The following IGSF11 variants were observed in gnomAD, a reference collection of about 807,000 sequenced individuals.
IGSF11 encodes immunoglobulin superfamily member 11.
A neutral mutation model predicts 41.0 loss-of-function variants in IGSF11; 22 were observed. The ratio of observed to expected loss-of-function variants is 0.54; its 90% CI spans 0.38 to 0.77. The LOEUF (loss-of-function observed/expected upper bound fraction) is 0.77, where lower values mean the gene tolerates loss of function less well. Ranked by LOEUF, IGSF11 falls within the 30% of genes least tolerant of loss-of-function variation. The pLI, the probability that IGSF11 is intolerant of heterozygous loss-of-function variation, is 0.00. For missense variants in IGSF11, 444 were observed against 530.8 expected (o/e 0.84, Z 1.61); for synonymous variants, 219 against 201.3 (o/e 1.09, Z -0.74).
At chr3:119,057,179 A>C (rs1415812018) in intron 1 of IGSF11, among the ~76,000 whole-genome samples, 2 of 152,210 alleles carry the variant, frequency 1.3e-5, no homozygotes, top group Non-Finnish European at 2.9e-5. Flanking sequence ...GAGGAAGTCA[A>C]ATTGTCCCTG....
chr3:119,045,167 C>T (rs563269303), intron 1 of IGSF11, among the ~76,000 whole-genome samples: 25 of 152,340 alleles, frequency 1.6e-4, no homozygotes, highest in Admixed American at 8.5e-4. Context: ...GGAACAGCTC[C>T]GGTCTACAGC....
At chr3:118,998,291 T>A (rs905986824) in intron 1 of IGSF11, among the ~76,000 whole-genome samples, 1 of 152,114 alleles carries the variant, frequency 6.6e-6, no homozygotes, top group African/African-American at 2.4e-5. Context: ...ATCAATTGTT[T>A]TATATCTATA....
intron 1 of IGSF11, among the ~76,000 whole-genome samples, chr3:119,078,508 G>C (rs190082861): frequency 6.6e-6 from 1 of 152,212 alleles, no homozygotes; most frequent in Non-Finnish European, 1.5e-5. Context: ...TAACTGATTA[G>C]CCATATGCAG....
chr3:118,974,931 G>T (rs1320884372), intron 1 of IGSF11, among the ~76,000 whole-genome samples: 2 of 151,452 alleles, frequency 1.3e-5, no homozygotes, highest in Middle Eastern at 6.8e-3. Context: ...AAAAAAAATT[G>T]CCCTTCTCCA....
At chr3:119,012,559 T>C (rs1245464724) in intron 1 of IGSF11, among the ~76,000 whole-genome samples, 1 of 152,196 alleles carries the variant, frequency 6.6e-6, no homozygotes, top group Non-Finnish European at 1.5e-5. Context: ...CAAATGGCTA[T>C]AATTCGGTCT....
At chr3:119,034,092 A>G (rs116056208) in intron 1 of IGSF11, among the ~76,000 whole-genome samples, 5,576 of 152,300 alleles carry the variant, frequency 0.037, 179 homozygotes, top group Non-Finnish European at 0.048. Flanking sequence ...TAGGCTTCTA[A>G]AAGGTTACGT....
chr3:119,106,708 G>A (rs2077033659), upstream of IGSF11, among the ~76,000 whole-genome samples: 1 of 152,010 alleles, frequency 6.6e-6, no homozygotes, highest in African/African-American at 2.4e-5. Context: ...TTTAGCATCA[G>A]GTATATCTCC....
chr3:118,981,314 C>T (rs1421491554), intron 1 of IGSF11, among the ~76,000 whole-genome samples: 1 of 152,116 alleles, frequency 6.6e-6, no homozygotes, highest in East Asian at 1.9e-4. Context: ...GGACTACAGG[C>T]ACATGCCACC....
At chr3:119,031,682 T>C (rs1940415931) in intron 1 of IGSF11, among the ~76,000 whole-genome samples, 1 of 152,222 alleles carries the variant, frequency 6.6e-6, no homozygotes, top group Non-Finnish European at 1.5e-5. Context: ...TGAATATATA[T>C]GTGTATTAGG....
chr3:119,006,210 C>T (rs1937483474), intron 1 of IGSF11, among the ~76,000 whole-genome samples: 1 of 129,532 alleles, frequency 7.7e-6, no homozygotes, highest in South Asian at 2.7e-4. Flanking sequence ...TCTTTTCATT[C>T]ATTTCATCTT....
chr3:118,955,217 C>A (rs964147728), intron 1 of IGSF11, among the ~76,000 whole-genome samples: 1 of 120,914 alleles, frequency 8.3e-6, no homozygotes, highest in African/African-American at 4.3e-5. Context: ...TGTATATGTA[C>A]ATACACACAC....
At chr3:119,144,714 T>A in intron 1 of IGSF11, among the ~76,000 whole-genome samples, 1 of 152,254 alleles carries the variant, frequency 6.6e-6, no homozygotes, top group Admixed American at 6.5e-5. Flanking sequence ...AATTGATAAA[T>A]CATCATTTTG....
At chr3:118,960,808 T>G (rs963077297) in intron 1 of IGSF11, among the ~76,000 whole-genome samples, 3 of 152,210 alleles carry the variant, frequency 2.0e-5, no homozygotes, top group Non-Finnish European at 4.4e-5. Flanking sequence ...CAAATTTACT[T>G]TTGAAACATT....
chr3:119,000,833 C>G (rs1390497596), intron 1 of IGSF11, among the ~76,000 whole-genome samples: 2 of 152,124 alleles, frequency 1.3e-5, no homozygotes, highest in Admixed American at 6.5e-5. Context: ...ATATATTAGC[C>G]AGAGTGCCTC....
At chr3:118,966,742 C>T (rs1170544248) in intron 1 of IGSF11, among the ~76,000 whole-genome samples, 1 of 152,182 alleles carries the variant, frequency 6.6e-6, no homozygotes, top group Admixed American at 6.5e-5. Flanking sequence ...TTTGGATTTA[C>T]GTTTAAGAGA....
chr3:119,058,380 T>C (rs1444843220), intron 1 of IGSF11, among the ~76,000 whole-genome samples: 7 of 152,174 alleles, frequency 4.6e-5, no homozygotes, highest in African/African-American at 9.7e-5. Context: ...AAAATGCTCA[T>C]CATCACTGGC....
intron 1 of IGSF11, among the ~76,000 whole-genome samples, chr3:119,081,313 C>T (rs542461146): frequency 6.6e-6 from 1 of 151,976 alleles, no homozygotes; most frequent in African/African-American, 2.4e-5. Context: ...TCCTTTACTT[C>T]TTTTCCCTCT....
chr3:118,942,144 TA>T (rs959270245), intron 1 of IGSF11, among the ~76,000 whole-genome samples: 119 of 152,298 alleles, frequency 7.8e-4, no homozygotes, highest in African/African-American at 2.8e-3. Context: ...AGTTATACTT[TA>T]AAAAAATGTT....
chr3:118,930,371 T>C (rs1942751110), intron 1 of IGSF11, 96 bp from the exon 2 acceptor site: 10 of 1,189,842 alleles, frequency 8.4e-6, no homozygotes, highest in Admixed American at 5.0e-5. Context: ...ATCACATTAT[T>C]ATTGATTATG....
Sources: gnomAD v4.1 joint callset for allele counts (sites outside exome capture counted in the v4.1 genomes callset) on GRCh38, gnomAD v4.1.1 for gene constraint, MANE v1.5 for transcripts, NCBI Gene and HGNC (gene_info 2026-07-23, HGNC 2026-07-21) for gene names.